Variants in RNF17 observed in about 807,000 individuals in gnomAD.
RNF17 encodes the protein spermatogenesis associated 23.
A neutral mutation model predicts 200.5 loss-of-function variants in RNF17; 31 were observed. The ratio of observed to expected loss-of-function variants is 0.15; its 90% CI spans 0.12 to 0.21. The LOEUF is 0.21. Among genes scored for constraint, RNF17 ranks in the 10% least tolerant of loss-of-function variants. The pLI, the probability that RNF17 is intolerant of heterozygous loss-of-function variation, is 1.00. For missense variants in RNF17, 1,628 were observed against 1,905.1 expected (o/e 0.85, Z 2.71); for synonymous variants, 606 against 637.8 (o/e 0.95, Z 0.75).
intron 15 of RNF17, among the ~76,000 whole-genome samples, chr13:24,812,336 A>G (rs1466831879): frequency 6.6e-6 from 1 of 151,666 alleles, no homozygotes; most frequent in Non-Finnish European, 1.5e-5. Context: ...GCGGGATATA[A>G]TCTCCTGGCG....
the RNF17 span, chr13:24,885,663 T>C: frequency 1.2e-6 from 2 of 1,611,628 alleles, no homozygotes; most frequent in Non-Finnish European, 1.7e-6. Context: ...ATCTTCGAGG[T>C]GGATTGCCTA....
intron 2 of RNF17, among the ~76,000 whole-genome samples, chr13:24,770,377 A>G (rs1880490113): frequency 6.6e-6 from 1 of 152,168 alleles, no homozygotes; most frequent in Admixed American, 6.5e-5. Flanking sequence ...ACAAGTTAAG[A>G]GTCTTTCTGC....
At chr13:24,877,563 C>T (rs549579594) in intron 34 of RNF17, among the ~76,000 whole-genome samples, 2 of 152,094 alleles carry the variant, frequency 1.3e-5, no homozygotes, top group African/African-American at 4.8e-5. Flanking sequence ...GTGGGGGAAG[C>T]GTAAGAAGAA....
intron 26 of RNF17, among the ~76,000 whole-genome samples, 187 bp from the exon 27 acceptor site, chr13:24,861,081 G>A (rs778367976): frequency 2.0e-5 from 3 of 151,954 alleles, no homozygotes; most frequent in African/African-American, 7.3e-5. Context: ...GTCTTGCCGT[G>A]TTCCCAAGGC....
downstream of RNF17, chr13:24,882,577 G>A (rs561880746): frequency 5.9e-4 from 91 of 153,438 alleles, no homozygotes; most frequent in African/African-American, 2.0e-3. Flanking sequence ...ATCCCATTTT[G>A]AGACATTACA....
intron 16 of RNF17, among the ~76,000 whole-genome samples, chr13:24,827,725 A>AAAAAAAAAAC: frequency 6.7e-6 from 1 of 148,182 alleles, no homozygotes; most frequent in Non-Finnish European, 1.5e-5. Context: ...AAACAAAAAA[A>AAAAAAAAAAC]AAAAAACAAT....
chr13:24,760,013 C>T (rs926110363), upstream of RNF17, among the ~76,000 whole-genome samples: 14 of 152,110 alleles, frequency 9.2e-5, no homozygotes, highest in African/African-American at 2.9e-4. Flanking sequence ...GTGGGGAGCG[C>T]GCCTGTAATC....
the RNF17 span, among the ~76,000 whole-genome samples, chr13:24,757,321 C>CTT: frequency 3.5e-5 from 5 of 141,748 alleles, no homozygotes; most frequent in East Asian, 4.1e-4. Context: ...GGACAATATT[C>CTT]TTTTTTTTTT....
At chr13:24,819,909 T>A (rs1451691064) in intron 15 of RNF17, among the ~76,000 whole-genome samples, 1 of 152,156 alleles carries the variant, frequency 6.6e-6, no homozygotes, top group East Asian at 1.9e-4. Context: ...CATTAGCATT[T>A]CTTACAGGGC....
At chr13:24,868,342 C>T (rs1432863586) in intron 30 of RNF17, among the ~76,000 whole-genome samples, 1 of 148,278 alleles carries the variant, frequency 6.7e-6, no homozygotes, top group East Asian at 2.0e-4. Flanking sequence ...TAGTGGCGGG[C>T]GCCTGTAGTC....
chr13:24,822,202 T>A (rs1217909541), intron 15 of RNF17, among the ~76,000 whole-genome samples: 2 of 152,114 alleles, frequency 1.3e-5, no homozygotes, highest in Non-Finnish European at 2.9e-5. Flanking sequence ...CCATCCTGTG[T>A]GCTTCTTACT....
intron 18 of RNF17, among the ~76,000 whole-genome samples, chr13:24,840,758 G>C (rs1838787): frequency 0.15 from 22,045 of 151,816 alleles, 1,638 homozygotes; most frequent in African/African-American, 0.16. Flanking sequence ...GGGGGGCGAA[G>C]GATAAAAGAC....
At chr13:24,809,831 G>A (rs1352423661) in intron 15 of RNF17, among the ~76,000 whole-genome samples, 1 of 151,896 alleles carries the variant, frequency 6.6e-6, no homozygotes, top group Admixed American at 6.6e-5. Flanking sequence ...AGAGATTCTG[G>A]TATGTTGTGT....
At position 24,850,125 on chromosome 13, in the gene RNF17, A is replaced by G. The variant is rs373570911; in HGVS notation, c.3102-216A>G. ...ATACACATAAATAAGTTAATATGTAATATGGGCCCTCAGTAAAATAGAGGG... is the reference window on the plus strand; with the variant it reads ...ATACACATAAATAAGTTAATATGTAGTATGGGCCCTCAGTAAAATAGAGGG... On this transcript the variant is annotated intron_variant, in intron 22 of 35. Coordinates refer to ENST00000255324, the MANE Select transcript of RNF17 (RefSeq NM_031277.3). Among the ~76,000 whole-genome samples, 34 of 152,344 alleles carry G rather than the reference A, an allele frequency of 2.2e-4. No individual in the cohort carries two copies. In the South Asian group the frequency reaches 6.6e-3, roughly 30 times the overall value.
intron 17 of RNF17, 99 bp downstream of exon 17, chr13:24,830,698 T>G: frequency 1.2e-6 from 1 of 832,678 alleles, no homozygotes. Context: ...GTGTCCCTTT[T>G]TGTCTAGTTG....
upstream of RNF17, among the ~76,000 whole-genome samples, chr13:24,761,530 A>T (rs1192873591): frequency 2.6e-5 from 4 of 152,226 alleles, no homozygotes; most frequent in African/African-American, 9.7e-5. Context: ...ATTTATAAAA[A>T]TTGTGTATTC....
At chr13:24,800,280 A>C in intron 12 of RNF17, 86 bp from the exon 13 acceptor site, 1 of 886,430 alleles carries the variant, frequency 1.1e-6, no homozygotes, top group Non-Finnish European at 1.7e-6. Flanking sequence ...GAAAAATTAT[A>C]CTTAGAAATG....
rs151071515 is a variant in RNF17 at position 24,865,562 on chromosome 13, CATT to C, written c.4101+567_4101+569del. ...TCTTTTATAGGAGTAGATTATGCAT[CATT>C]ATATTTTATATCACAAGATATTTTT... On this transcript the variant is annotated intron_variant, in intron 29 of 35. Coordinates refer to ENST00000255324, the MANE Select transcript of RNF17 (RefSeq NM_031277.3). Among the ~76,000 whole-genome samples, 806 of 152,254 alleles carry C rather than the reference CATT, an allele frequency of 5.3e-3. 20 individuals are homozygous for C. The East Asian group carries it at 0.08, about 15-fold the overall frequency.
rs1367346786 is a variant in RNF17, at chr13:24,825,778, A to T, written c.2245+6A>T. ...GTACCGAGCAAAAGTTATCGGTAGG[A>T]GAATGCATGCTGTTTCTACAGGGAG... On this transcript the variant is annotated splice_donor_region_variant and intron_variant, in intron 16 of 35. Transcript: ENST00000255324. 1 of 1,611,012 alleles carries T rather than the reference A, an allele frequency of 6.2e-7. No homozygotes were observed. Among genetic ancestry groups the T allele is most frequent in the Non-Finnish European group, 8.5e-7 (1 of 1,178,532 alleles).
Sources: allele counts gnomAD v4.1 joint callset (sites outside exome capture counted in the v4.1 genomes callset), GRCh38; gene constraint gnomAD v4.1.1; transcripts MANE v1.5; gene names NCBI Gene and HGNC (gene_info 2026-07-23, HGNC 2026-07-21).